Variants in SPTB observed in about 807,000 individuals in gnomAD.
SPTB encodes spectrin beta chain, erythrocytic.
A neutral mutation model predicts 256.2 loss-of-function variants in SPTB; 45 were observed. The observed-to-expected ratio is 0.18, with a 90% CI of 0.14 to 0.23. SPTB has a LOEUF of 0.23. Ranked by LOEUF, SPTB falls within the 10% of genes least tolerant of loss-of-function variation. The pLI is 1.00. For synonymous variants in SPTB, 1,231 were observed against 1,243.1 expected (o/e 0.99, Z 0.21); for missense variants, 2,715 against 3,040.4 (o/e 0.89, Z 2.52).
chr14:64,791,022 T>C (rs1328509682), intron 15 of SPTB, among the ~76,000 whole-genome samples: 1 of 152,202 alleles, frequency 6.6e-6, no homozygotes, highest in African/African-American at 2.4e-5. Flanking sequence ...ACTTAAGAGC[T>C]CTCAGAAAGC....
intron 30 of SPTB, 148 bp downstream of exon 30, chr14:64,767,515 G>T: frequency 7.4e-7 from 1 of 1,350,382 alleles, no homozygotes; most frequent in Non-Finnish European, 1.0e-6. Context: ...AGTACTTCCT[G>T]CCACTTGTCT....
At chr14:64,766,530 G>A (rs1160758434) in intron 32 of SPTB, 196 bp downstream of exon 32, 6 of 1,503,218 alleles carry the variant, frequency 4.0e-6, no homozygotes, top group South Asian at 1.3e-5. Flanking sequence ...AGTGGAGGAG[G>A]CTAGTACTCT....
chr14:64,875,941 C>T (rs550151420), intron 1 of SPTB, among the ~76,000 whole-genome samples: 1 of 152,198 alleles, frequency 6.6e-6, no homozygotes, highest in Admixed American at 6.5e-5. Flanking sequence ...AATTCCATAA[C>T]AAAGAAACAT....
rs114202335 is a variant in SPTB at position 64,855,018 on chromosome 14, C to T, written c.-52+24774G>A. ...CCTTGGGGCCCTTGCCCTTAATTTA[C>T]GGCAACTCGCCGGAAAACAAGTGCC... On this transcript the variant is annotated intron_variant, in intron 1 of 35. Transcript: ENST00000644917. Among the ~76,000 whole-genome samples the T allele has an allele frequency of 7.5e-3, 1,140 of 152,242 alleles. 18 individuals are homozygous for T. Among genetic ancestry groups the T allele is most frequent in the African/African-American group, 0.026 (1,073 of 41,544 alleles).
chr14:64,875,011 T>C (rs1295249672), intron 1 of SPTB, among the ~76,000 whole-genome samples: 1 of 152,208 alleles, frequency 6.6e-6, no homozygotes, highest in Non-Finnish European at 1.5e-5. Flanking sequence ...GAAGCCCACT[T>C]TTGCCCCCAC....
rs1435024798 is a variant in SPTB, at chr14:64,777,567, TC to T, written c.4563+1589del. ...GGGAACAGTGGTCCCCAAAGTGCAGTCCTGAACCAGCAGCATCGGCATCACC... is the reference window on the plus strand; with the variant it reads ...GGGAACAGTGGTCCCCAAAGTGCAGTCTGAACCAGCAGCATCGGCATCACC... On this transcript the variant is annotated intron_variant, in intron 22 of 35. Coordinates refer to ENST00000644917, the MANE Select transcript of SPTB (RefSeq NM_001355436.2). This position sits in a 1 kb window ranked among gnomAD's most constrained non-coding sequence, Gnocchi z 4.5. Among the ~76,000 whole-genome samples, 12 of 152,172 alleles carry T rather than the reference TC, an allele frequency of 7.9e-5. No homozygotes were observed. Among genetic ancestry groups the T allele is most frequent in the Admixed American group, 4.6e-4 (7 of 15,296 alleles).
intron 1 of SPTB, among the ~76,000 whole-genome samples, chr14:64,833,449 G>A (rs147127125): frequency 1.2e-3 from 179 of 152,114 alleles, no homozygotes; most frequent in African/African-American, 4.1e-3. Context: ...TACTCAGGAA[G>A]GCAGAGGTGG....
chr14:64,770,212 T>C (rs564766541), intron 27 of SPTB, among the ~76,000 whole-genome samples: 9 of 152,154 alleles, frequency 5.9e-5, no homozygotes, highest in Non-Finnish European at 1.2e-4. Context: ...GGCGGAGTGA[T>C]GAAAATCTTC....
rs1428150815 is a variant in SPTB at position 64,841,928 on chromosome 14, C to A, written c.-51-18783G>T. 6.6e-6 allele frequency among the ~76,000 whole-genome samples: 1 copy of A among 152,218 alleles called. No homozygotes were observed. Among genetic ancestry groups the A allele is most frequent in the East Asian group, 1.9e-4 (1 of 5,198 alleles). The stretch of plus-strand genomic sequence containing the variant: ...GAGCGCGGCAAATGTTATCTGGAAG[C>A]AGCCGGGACAAGAGCACCCCCAGTT... On this transcript the variant is annotated intron_variant, in intron 1 of 35. Transcript: ENST00000644917. The surrounding 1 kb of genome is among the most constrained non-coding windows in gnomAD (Gnocchi z 4.6).
chr14:64,751,927 C>CAA lies in SPTB; in HGVS notation c.6602+1608_6602+1609dup, dbSNP rs374561563. Among the ~76,000 whole-genome samples, 112 of 71,940 alleles carry CAA rather than the reference C, an allele frequency of 1.6e-3. 4 individuals are homozygous for CAA. Among genetic ancestry groups the CAA allele is most frequent in the Admixed American group, 7.8e-3 (60 of 7,736 alleles). The allele number at this position is 71,940 out of a possible 152,430, so 47.2% of individuals were successfully genotyped here. A position where few individuals can be genotyped will look rare whatever the true frequency, so the allele number is the denominator to read the frequency against. On this transcript the variant is annotated intron_variant, in intron 33 of 35. Transcript: ENST00000644917. ...TGAAACCCCATTTCTACTAAAAATGCAAAAAAAAAAAAAAAAATTAGCCAG... is the reference window on the plus strand; with the variant it reads ...TGAAACCCCATTTCTACTAAAAATGCAAAAAAAAAAAAAAAAAAATTAGCCAG...
At position 64,790,277 on chromosome 14, in the gene SPTB, T is replaced by A. The variant is rs2082647951; in HGVS notation, c.2804+1442A>T. Among the ~76,000 whole-genome samples the A allele has an allele frequency of 6.6e-6, 1 of 152,132 alleles. No individual in the cohort carries two copies. Among genetic ancestry groups the A allele is most frequent in the African/African-American group, 2.4e-5 (1 of 41,424 alleles). Reference sequence around the variant, plus strand: ...ATATTTTTCTCTTGGGGATGGGGCCTGTTTTAGGGGTCTGTAAAGATCAAC... The same window carrying A: ...ATATTTTTCTCTTGGGGATGGGGCCAGTTTTAGGGGTCTGTAAAGATCAAC... On this transcript the variant is annotated intron_variant, in intron 15 of 35. Transcript: ENST00000644917. This position sits in a 1 kb window ranked among gnomAD's most constrained non-coding sequence, Gnocchi z 4.8.
intron 20 of SPTB, among the ~76,000 whole-genome samples, chr14:64,780,951 G>A (rs878960029): frequency 6.6e-6 from 1 of 152,130 alleles, no homozygotes; most frequent in Non-Finnish European, 1.5e-5. Flanking sequence ...CTTTGACAAA[G>A]CTGACAAAAA....
At chr14:64,817,400 T>A (rs2083211448) in intron 2 of SPTB, among the ~76,000 whole-genome samples, 1 of 152,252 alleles carries the variant, frequency 6.6e-6, no homozygotes. Context: ...ATTTTCCCAA[T>A]ATGTAGTCTC....
chr14:64,872,192 T>C (rs1882572308), intron 1 of SPTB, among the ~76,000 whole-genome samples: 1 of 152,194 alleles, frequency 6.6e-6, no homozygotes, highest in South Asian at 2.1e-4. Context: ...TACATCACCA[T>C]CTCAGTAAAC....
chr14:64,869,590 G>A (rs1266555254), intron 1 of SPTB, among the ~76,000 whole-genome samples: 2 of 148,576 alleles, frequency 1.3e-5, no homozygotes, highest in African/African-American at 2.5e-5. Context: ...GACTACAGGT[G>A]TGAGCCACTG....
chr14:64,765,131 C>T (rs2139466961), intron 32 of SPTB, among the ~76,000 whole-genome samples: 1 of 152,086 alleles, frequency 6.6e-6, no homozygotes, highest in East Asian at 2.0e-4. Flanking sequence ...AGGGAGGCCT[C>T]ACTATCTGTA....
chr14:64,774,926 C>T (rs983258189), intron 23 of SPTB, among the ~76,000 whole-genome samples, 199 bp downstream of exon 23: 3 of 152,128 alleles, frequency 2.0e-5, no homozygotes, highest in African/African-American at 7.2e-5. Flanking sequence ...AAACAGGAGG[C>T]ACCTGGCTTC....
intron 2 of SPTB, 34 bp from the exon 3 acceptor site, chr14:64,805,124 G>A (rs1237288898): frequency 6.2e-7 from 1 of 1,614,044 alleles, no homozygotes; most frequent in South Asian, 1.1e-5. Context: ...TGAGGTGCCT[G>A]AGGTTGGCAG....
At chr14:64,851,478 T>TAGC (rs1441086481) in intron 1 of SPTB, among the ~76,000 whole-genome samples, 1 of 152,094 alleles carries the variant, frequency 6.6e-6, no homozygotes, top group Non-Finnish European at 1.5e-5. Context: ...GTAGTAGTAG[T>TAGC]AGCAGTAGCA....
Sources: allele counts gnomAD v4.1 joint callset (sites outside exome capture counted in the v4.1 genomes callset), GRCh38; gene constraint gnomAD v4.1.1; non-coding constraint Gnocchi (gnomAD v3.1); transcripts MANE v1.5; gene names NCBI Gene and HGNC (gene_info 2026-07-23, HGNC 2026-07-21).